LTBP1: variants seen among roughly 807,000 people sequenced by gnomAD.
The protein encoded by LTBP1 is latent transforming growth factor beta binding protein 1.
In LTBP1, 129 loss-of-function variants were observed where a neutral mutation model predicts 207.6. The ratio of observed to expected loss-of-function variants is 0.62; its 90% CI spans 0.54 to 0.72. The LOEUF (loss-of-function observed/expected upper bound fraction) is 0.72, where lower values mean the gene tolerates loss of function less well. LTBP1 is among the 30% of genes least tolerant of loss of function. The pLI is 0.00. For missense variants in LTBP1, 2,281 were observed against 2,217.2 expected, an observed-to-expected ratio of 1.03 and a Z score of -0.58; for synonymous variants, 963 against 833.7, an observed-to-expected ratio of 1.16 and a Z score of -2.67.
At chr2:33,123,104 C>T (rs2081241165) in intron 4 of LTBP1, among the ~76,000 whole-genome samples, 1 of 152,202 alleles carries the variant, frequency 6.6e-6, no homozygotes, top group African/African-American at 2.4e-5. Flanking sequence ...TCCACATTCC[C>T]TCTTTCCACA....
intron 2 of LTBP1, among the ~76,000 whole-genome samples, chr2:32,977,802 G>C (rs908430802): frequency 6.6e-6 from 1 of 152,146 alleles, no homozygotes; most frequent in Non-Finnish European, 1.5e-5. Context: ...TGCTCTCTGT[G>C]TCCCCTTGCT....
At chr2:32,966,124 G>C (rs1679969186) in intron 2 of LTBP1, among the ~76,000 whole-genome samples, 1 of 152,068 alleles carries the variant, frequency 6.6e-6, no homozygotes, top group Non-Finnish European at 1.5e-5. Flanking sequence ...TCAGATACTT[G>C]AGCTTTTTTT....
At chr2:33,062,919 TCTTTA>T (rs1349004537) in intron 3 of LTBP1, 2 of 152,344 alleles carry the variant, frequency 1.3e-5, no homozygotes, top group African/African-American at 2.4e-5. Context: ...AATCATGAAT[TCTTTA>T]CTTCTGGAAT....
intron 3 of LTBP1, among the ~76,000 whole-genome samples, chr2:33,050,155 T>G (rs1430181925): frequency 2.4e-4 from 1 of 4,142 alleles, no homozygotes; most frequent in East Asian, 0.5. Context: ...TTTTCTTTTC[T>G]TTTTTTTTTT....
In LTBP1 at chr2:33,398,730, A is replaced by G. The variant is rs1176312940; in HGVS notation, c.*185A>G. The G allele has an allele frequency of 6.0e-6, 3 of 499,396 alleles. No individual in the cohort carries two copies. The highest frequency in any genetic ancestry group is 5.9e-5 in the African/African-American group (3 of 50,766). The allele number at this position is 499,396 out of a possible 1,614,324, so 30.9% of individuals were successfully genotyped here. A position where few individuals can be genotyped will look rare whatever the true frequency, so the allele number is the denominator to read the frequency against. On this transcript the variant is annotated 3_prime_UTR_variant, in exon 34 of 34. Transcript: ENST00000404816. Reference sequence around the variant, plus strand: ...GAGCCCGATAGGTGTGGCAGACCAAATGGACATTTCTCTAAAAAACCAGTA... The same window carrying G: ...GAGCCCGATAGGTGTGGCAGACCAAGTGGACATTTCTCTAAAAAACCAGTA...
chr2:33,027,821 G>A (rs1238337980), intron 3 of LTBP1, among the ~76,000 whole-genome samples: 2 of 152,174 alleles, frequency 1.3e-5, no homozygotes, highest in African/African-American at 4.8e-5. Context: ...TGGCGACAGA[G>A]CAAGACTCCA....
chr2:33,149,579 T>C (rs554808885), intron 5 of LTBP1, among the ~76,000 whole-genome samples: 1 of 152,324 alleles, frequency 6.6e-6, no homozygotes, highest in African/African-American at 2.4e-5. Context: ...TCCTAGAGGC[T>C]TGATTTACAT....
At chr2:33,070,201 AC>A (rs2077720830) in intron 3 of LTBP1, among the ~76,000 whole-genome samples, 1 of 152,240 alleles carries the variant, frequency 6.6e-6, no homozygotes, top group African/African-American at 2.4e-5. Flanking sequence ...CCACAAAAAA[AC>A]AAACTCAGAA....
Position 33,364,351 on chromosome 2 carries a change from C to A in LTBP1, c.4535C>A (p.Ser1512Ter). ...SEKRCIRPAESNEQIEETDVY... is the reference protein window; with the variant it reads ...SEKRCIRPAE ...AAAAGATGTATACGACCGGCTGAGT[C>A]AAACGGTATGTTTCCAGGAGATGCA... Residue 1512 changes from serine (S) to a stop codon, truncating the protein, a stop_gained, in exon 30 of 34, where the codon TCA becomes TAA. Coordinates refer to ENST00000404816, the MANE Select transcript of LTBP1 (RefSeq NM_206943.4). LOFTEE classifies it high-confidence loss of function. The A allele has an allele frequency of 6.2e-7, 1 of 1,612,916 alleles. No individual in the cohort carries two copies.
At chr2:33,326,720 G>A (rs978108628) in intron 24 of LTBP1, among the ~76,000 whole-genome samples, 2 of 149,538 alleles carry the variant, frequency 1.3e-5, no homozygotes. Flanking sequence ...GTGCAGTGGT[G>A]CAATCTCAGG....
At chr2:32,965,438 A>AT (rs1259212941) in intron 2 of LTBP1, among the ~76,000 whole-genome samples, 1 of 152,198 alleles carries the variant, frequency 6.6e-6, no homozygotes, top group Non-Finnish European at 1.5e-5. Context: ...ATCATAGAGA[A>AT]TAGTTTCACT....
chr2:33,013,424 A>G (rs1264807519), intron 2 of LTBP1, among the ~76,000 whole-genome samples: 1 of 151,856 alleles, frequency 6.6e-6, no homozygotes, highest in Non-Finnish European at 1.5e-5. Flanking sequence ...TCCTTTGTTA[A>G]AGGCAACTTT....
At chr2:33,188,920 A>G in intron 7 of LTBP1, 69 bp downstream of exon 7, 2 of 1,501,444 alleles carry the variant, frequency 1.3e-6, no homozygotes, top group Non-Finnish European at 9.0e-7. Flanking sequence ...CAAGAAAGCC[A>G]GACTTGATAA....
At chr2:33,059,477 C>G (rs1481492450) in intron 3 of LTBP1, among the ~76,000 whole-genome samples, 1 of 152,112 alleles carries the variant, frequency 6.6e-6, no homozygotes, top group East Asian at 1.9e-4. Flanking sequence ...TTTAGGCTTG[C>G]CATGTCCGTG....
At chr2:33,115,357 A>G (rs938664482) in intron 4 of LTBP1, among the ~76,000 whole-genome samples, 1 of 152,180 alleles carries the variant, frequency 6.6e-6, no homozygotes, top group Non-Finnish European at 1.5e-5. Context: ...GAGTGGGAAT[A>G]GGGAATAGTT....
chr2:33,305,276 A>G (rs2094068797), intron 22 of LTBP1, among the ~76,000 whole-genome samples: 1 of 152,254 alleles, frequency 6.6e-6, no homozygotes, highest in Admixed American at 6.5e-5. Flanking sequence ...ACGAGCCAAG[A>G]TCACGCCATT....
intron 4 of LTBP1, among the ~76,000 whole-genome samples, chr2:33,129,615 T>C (rs908822370): frequency 2.6e-5 from 4 of 152,242 alleles, no homozygotes; most frequent in African/African-American, 7.2e-5. Flanking sequence ...TATTCAGTTA[T>C]TCTCTTTAAC....
intron 18 of LTBP1, among the ~76,000 whole-genome samples, chr2:33,277,781 CTT>C (rs2093466456): frequency 9.5e-6 from 1 of 105,094 alleles, no homozygotes; most frequent in Non-Finnish European, 1.9e-5. Flanking sequence ...TTCTTTCTTT[CTT>C]TCTTTCTTTC....
intron 2 of LTBP1, among the ~76,000 whole-genome samples, chr2:32,949,918 G>A (rs1184907252): frequency 6.6e-6 from 1 of 152,206 alleles, no homozygotes; most frequent in Non-Finnish European, 1.5e-5. Context: ...TGTAAAAAGG[G>A]AAATGTCCAC....
Sources: allele counts gnomAD v4.1 joint callset (sites outside exome capture counted in the v4.1 genomes callset), GRCh38; gene constraint gnomAD v4.1.1; transcripts MANE v1.5; gene names NCBI Gene and HGNC (gene_info 2026-07-23, HGNC 2026-07-21).